NUP153: variants seen among roughly 807,000 people sequenced by gnomAD.
NUP153 encodes nucleoporin 153.
Under a neutral mutation model 134.6 loss-of-function variants are expected in NUP153, and 27 were observed. The observed-to-expected ratio is 0.20, with a 90% CI of 0.15 to 0.28. The LOEUF is 0.28. Ranked by LOEUF, NUP153 falls within the 10% of genes least tolerant of loss-of-function variation. The probability of loss-of-function intolerance (pLI) is 1.00; values close to 1 mark genes in which losing one functional copy is unlikely to be tolerated. For missense variants in NUP153, 1,821 were observed against 1,731.3 expected, an observed-to-expected ratio of 1.05 and a Z score of -0.92; for synonymous variants, 640 against 623.5, an observed-to-expected ratio of 1.03 and a Z score of -0.40.
chr6:17,665,065 A>AAAAAAAAAAAAAT lies in NUP153; in HGVS notation c.1215+173_1215+174insATTTTTTTTTTTT, dbSNP rs61311677. Among the ~76,000 whole-genome samples the AAAAAAAAAAAAAT allele has an allele frequency of 2.6e-5, 4 of 151,324 alleles. No individual in the cohort carries two copies. The East Asian group carries it at 7.7e-4, about 29-fold the overall frequency. On this transcript the variant is annotated intron_variant, in intron 9 of 21. Transcript: ENST00000262077. ...GAGACTCCGTCTCAAAAAAAAAAAA[A>AAAAAAAAAAAAAT]TTTGATCAAGGTGACAGCTATTTTA...
rs1184030916 is a variant in NUP153 at position 17,624,619 on chromosome 6, A to G, written c.4116T>C (p.Pro1372=). 6.2e-7 allele frequency: 1 copy of G among 1,614,170 alleles called. No homozygotes were observed. The highest frequency in any genetic ancestry group is 1.7e-5 in the Admixed American group (1 of 60,018). The change falls in exon 20 of 22, where the codon CCT becomes CCC. Residue 1372 remains proline, a synonymous_variant. Transcript: ENST00000262077. ...FGTVSSSSQP[P]VFGQQPSQSA... is the part of the protein sequence containing the mutation. ...ACTGACTAGGTTGCTGTCCAAACAC[A>G]GGGGGCTGGCTACTGCTTGACACTG...
chr6:17,637,774 C>T lies in NUP153; in HGVS notation c.1847-4G>A. The T allele has an allele frequency of 6.3e-7, 1 of 1,591,512 alleles. No individual in the cohort carries two copies. Among genetic ancestry groups the T allele is most frequent in the Non-Finnish European group, 8.5e-7 (1 of 1,174,514 alleles). ...TCTATCTTCGGCGATGCGAAACCTA[C>T]AATGAACGAAGGAGAGAGTGCAACG... On this transcript the variant is annotated splice_polypyrimidine_tract_variant and splice_region_variant and intron_variant, in intron 15 of 21. Coordinates refer to ENST00000262077, the MANE Select transcript of NUP153 (RefSeq NM_005124.4).
At chr6:17,659,136 A>C (rs1767015092) in intron 11 of NUP153, among the ~76,000 whole-genome samples, 1 of 152,256 alleles carries the variant, frequency 6.6e-6, no homozygotes, top group Non-Finnish European at 1.5e-5. Flanking sequence ...CTCATCTGCC[A>C]TATTCACCTG....
chr6:17,651,785 C>T, intron 11 of NUP153: 1 of 555,482 alleles, frequency 1.8e-6, no homozygotes, highest in South Asian at 2.4e-5. Context: ...CTCATGAGGG[C>T]CTCAAAATCC....
chr6:17,670,082 C>A (rs1397011895), intron 5 of NUP153, among the ~76,000 whole-genome samples: 2 of 116,136 alleles, frequency 1.7e-5, no homozygotes, highest in East Asian at 2.5e-4. Flanking sequence ...GGCAACAGAG[C>A]GAGACTCTTT....
At chr6:17,693,522 C>T (rs2113856307) in intron 1 of NUP153, among the ~76,000 whole-genome samples, 1 of 152,342 alleles carries the variant, frequency 6.6e-6, no homozygotes, top group South Asian at 2.1e-4. Flanking sequence ...CTATTGGTCT[C>T]TGGGTATCTT....
chr6:17,651,011 G>GT (rs1341053021), intron 11 of NUP153, among the ~76,000 whole-genome samples: 4 of 152,084 alleles, frequency 2.6e-5, no homozygotes, highest in African/African-American at 9.7e-5. Context: ...AAGAGGGAGA[G>GT]TTAAAAATCT....
intron 16 of NUP153, among the ~76,000 whole-genome samples, chr6:17,636,108 T>C (rs1025460325): frequency 6.6e-6 from 1 of 152,152 alleles, no homozygotes; most frequent in South Asian, 2.1e-4. Flanking sequence ...CCAAGGCGGA[T>C]AGATCACTTG....
At chr6:17,653,639 A>C (rs1466161642) in intron 11 of NUP153, among the ~76,000 whole-genome samples, 2 of 152,228 alleles carry the variant, frequency 1.3e-5, no homozygotes, top group Non-Finnish European at 2.9e-5. Flanking sequence ...CCAGGGACAA[A>C]AGGATACATA....
intron 17 of NUP153, among the ~76,000 whole-genome samples, chr6:17,631,117 A>G (rs976605504): frequency 4.6e-5 from 7 of 152,222 alleles, no homozygotes; most frequent in Non-Finnish European, 8.8e-5. Flanking sequence ...ACCATTAATC[A>G]TCAATTAATT....
rs368258849 is a variant in NUP153, at chr6:17,628,940, C to T, written c.3259G>A (p.Val1087Met). The T allele has an allele frequency of 1.6e-5, 26 of 1,614,054 alleles. No homozygotes were observed. Among genetic ancestry groups the T allele is most frequent in the South Asian group, 1.5e-4 (14 of 91,086 alleles). ...ATKGGFSFGNVEPASLPSASV... is the reference protein window; with the variant it reads ...ATKGGFSFGNMEPASLPSASV... ...GCAGATGGCAGAGAGGCAGGCTCCA[C>T]GTTGCCAAAAGAGAATCCTCCTTTG... is the stretch of plus-strand genomic sequence containing the variant. The change falls in exon 18 of 22, where the codon GTG becomes ATG. Residue 1087 changes from valine (V) to methionine (M), a missense_variant. Transcript: ENST00000262077. This position sits in a 1 kb window ranked among gnomAD's most constrained non-coding sequence, Gnocchi z 5.4.
chr6:17,632,203 G>A (rs1464387347), intron 17 of NUP153, among the ~76,000 whole-genome samples: 1 of 152,020 alleles, frequency 6.6e-6, no homozygotes, highest in East Asian at 1.9e-4. Context: ...TTGGGAGGCT[G>A]AGGCAGGGAA....
rs776287150 is a variant in NUP153, at chr6:17,669,343, A to G, written c.970-6T>C. The G allele has an allele frequency of 6.2e-6, 10 of 1,607,838 alleles. No individual in the cohort carries two copies. The East Asian group carries it at 1.1e-4, about 18-fold the overall frequency. ...GATGGAATTCTTTTTGCATCCTGTT[A>G]AAGTTGAAAAAATAACAAAATTAAG... On this transcript the variant is annotated splice_region_variant and splice_polypyrimidine_tract_variant and intron_variant, in intron 6 of 21. Coordinates refer to ENST00000262077, the MANE Select transcript of NUP153 (RefSeq NM_005124.4).
chr6:17,659,014 C>A (rs1038069669), intron 11 of NUP153, among the ~76,000 whole-genome samples: 6 of 152,172 alleles, frequency 3.9e-5, no homozygotes, highest in African/African-American at 1.2e-4. Flanking sequence ...ACTGCAATGT[C>A]TGCAGCTGGC....
At chr6:17,658,557 T>C (rs1008811698) in intron 11 of NUP153, among the ~76,000 whole-genome samples, 11 of 152,188 alleles carry the variant, frequency 7.2e-5, no homozygotes, top group African/African-American at 2.2e-4. Flanking sequence ...CAAGGACCAA[T>C]TGAGAGCAAT....
chr6:17,624,471 T>TA, intron 20 of NUP153, 90 bp downstream of exon 20: 1 of 1,233,766 alleles, frequency 8.1e-7, no homozygotes, highest in Non-Finnish European at 1.1e-6. Context: ...ATTTTAAAAT[T>TA]AGACATATGA....
At chr6:17,634,696 C>T (rs1010070714) in intron 16 of NUP153, among the ~76,000 whole-genome samples, 3 of 152,182 alleles carry the variant, frequency 2.0e-5, no homozygotes, top group Admixed American at 6.5e-5. Context: ...CTCAGCCTCA[C>T]GAAGTGCTGG....
chr6:17,693,890 C>G (rs919880902), intron 1 of NUP153, among the ~76,000 whole-genome samples: 2 of 152,170 alleles, frequency 1.3e-5, no homozygotes, highest in Non-Finnish European at 2.9e-5. Context: ...AGTGCACCAC[C>G]ACCGCGCCTG....
chr6:17,687,462 T>G (rs1769001532), intron 2 of NUP153, among the ~76,000 whole-genome samples: 1 of 152,182 alleles, frequency 6.6e-6, no homozygotes, highest in South Asian at 2.1e-4. Flanking sequence ...GTACAGACAT[T>G]AAAACTTAAG....
Sources: gnomAD v4.1 joint callset for allele counts (sites outside exome capture counted in the v4.1 genomes callset) on GRCh38, gnomAD v4.1.1 for gene constraint, Gnocchi (gnomAD v3.1) non-coding constraint, MANE v1.5 for transcripts, NCBI Gene and HGNC (gene_info 2026-07-23, HGNC 2026-07-21) for gene names.